Variants in RPL24 observed in about 807,000 individuals in gnomAD.
RPL24 encodes the protein large ribosomal subunit protein eL24.
RPL24 carries 7 observed loss-of-function variants against 26.4 expected under a neutral mutation model. That is an observed-to-expected ratio of 0.27 (90% CI 0.15 to 0.50). RPL24 has a LOEUF of 0.50. Among genes scored for constraint, RPL24 ranks in the 20% least tolerant of loss-of-function variants. The pLI, the probability that RPL24 is intolerant of heterozygous loss-of-function variation, is 0.98. For synonymous variants in RPL24, 67 were observed against 65.2 expected, an observed-to-expected ratio of 1.03 and a Z score of -0.13; for missense variants, 109 against 194.9, an observed-to-expected ratio of 0.56 and a Z score of 2.62.
intron 5 of RPL24, chr3:101,681,485 C>T (rs2108336883): frequency 4.8e-6 from 2 of 418,748 alleles, no homozygotes; most frequent in South Asian, 3.1e-5. Flanking sequence ...AACAGAAACT[C>T]ACAGAAAAGA....
intron 5 of RPL24, 127 bp from the exon 6 acceptor site, chr3:101,681,342 CA>C: frequency 1.5e-6 from 1 of 678,052 alleles, no homozygotes; most frequent in South Asian, 1.7e-5. Flanking sequence ...TTCCTAATGC[CA>C]ATCTTTTAAT....
intron 3 of RPL24, among the ~76,000 whole-genome samples, chr3:101,684,267 G>A (rs1264940709): frequency 6.6e-6 from 1 of 151,806 alleles, no homozygotes; most frequent in Non-Finnish European, 1.5e-5. Context: ...CTGGGTTCAA[G>A]CTATTCTCCT....
intron 5 of RPL24, chr3:101,682,034 T>A (rs1937269622): frequency 5.5e-6 from 1 of 180,500 alleles, no homozygotes; most frequent in African/African-American, 2.4e-5. Context: ...TGTGAAACTT[T>A]CATTTATCAC....
At chr3:101,685,036 C>A (rs1004547346) in intron 3 of RPL24, among the ~76,000 whole-genome samples, 2 of 151,926 alleles carry the variant, frequency 1.3e-5, no homozygotes, top group Non-Finnish European at 2.9e-5. Flanking sequence ...TAGGGTATAA[C>A]TTAGAAGTGG....
At chr3:101,682,216 A>G (rs184967646) in intron 5 of RPL24, 2 of 519,740 alleles carry the variant, frequency 3.8e-6, no homozygotes, top group South Asian at 4.5e-5. Context: ...CAAACAAAAA[A>G]TCAGCCGGGC....
At position 101,684,776 on chromosome 3, in the gene RPL24, C is replaced by CAAAAAAAAAAAA. The variant is rs57278210; in HGVS notation, c.192+1030_192+1041dup. Among the ~76,000 whole-genome samples, 123 of 53,206 alleles carry CAAAAAAAAAAAA rather than the reference C, an allele frequency of 2.3e-3. 13 individuals are homozygous for CAAAAAAAAAAAA. The highest frequency in any genetic ancestry group is 3.6e-3 in the East Asian group (5 of 1,404). 34.9% of individuals were successfully genotyped at this position (53,206 alleles called of 152,430 possible). ...CTGAGCAACAGAGGACCTGTCTCCC[C>CAAAAAAAAAAAA]AAAAAAAAAAAAAAAAAAAAAAAAA... On this transcript the variant is annotated intron_variant, in intron 3 of 5. Transcript: ENST00000394077.
intron 5 of RPL24, 83 bp from the exon 6 acceptor site, chr3:101,681,298 T>A: frequency 1.1e-6 from 1 of 921,426 alleles, no homozygotes; most frequent in Non-Finnish European, 1.8e-6. Flanking sequence ...ATTGTTTATG[T>A]AGCTTAGATC....
chr3:101,684,776 C>CCAAAAAA (rs1205904118), intron 3 of RPL24, among the ~76,000 whole-genome samples: 1 of 53,212 alleles, frequency 1.9e-5, no homozygotes, highest in Non-Finnish European at 3.2e-5. Flanking sequence ...CCTGTCTCCC[C>CCAAAAAA]AAAAAAAAAA....
intron 3 of RPL24, among the ~76,000 whole-genome samples, chr3:101,683,716 T>TC (rs1937292437): frequency 1.3e-5 from 2 of 151,226 alleles, no homozygotes; most frequent in South Asian, 2.1e-4. Context: ...TCTTTTTTTT[T>TC]TTTTTTTTTA....
At chr3:101,686,022 TCTGGCTTATCATTTTACA>T (rs1937336997) in intron 2 of RPL24, 94 bp from the exon 3 acceptor site, 2 of 808,128 alleles carry the variant, frequency 2.5e-6, no homozygotes, top group African/African-American at 3.4e-5. Context: ...ATATGCTAGT[TCTGGCTTATCATTTTACA>T]AAACTGAGGC....
chr3:101,684,003 T>TCC (rs1937297764), intron 3 of RPL24, among the ~76,000 whole-genome samples: 1 of 151,964 alleles, frequency 6.6e-6, no homozygotes, highest in South Asian at 2.1e-4. Context: ...TGAGCCACCA[T>TCC]CCCCAGCCTG....
At chr3:101,685,971 A>C (rs374006417) in intron 2 of RPL24, 43 bp from the exon 3 acceptor site, 176 of 1,231,560 alleles carry the variant, frequency 1.4e-4, no homozygotes, top group Non-Finnish European at 2.0e-4. Context: ...AACTATACAA[A>C]GTACAAGAGG....
chr3:101,686,710 AAAAG>A lies in RPL24; in HGVS notation c.-38_-35del, dbSNP rs761172740. 7.4e-6 allele frequency: 12 copies of A among 1,613,950 alleles called. No individual in the cohort carries two copies. The highest frequency in any genetic ancestry group is 3.3e-5 in the Admixed American group (2 of 60,012). On this transcript the variant is annotated 5_prime_UTR_variant, in exon 1 of 6. Transcript: ENST00000394077. Reference sequence around the variant, plus strand: ...CTCCACGGAAAGACAAAAGATGGCGAAAAGAAAGAGAGAATCATGGGAAGAGACC... The same window carrying A: ...CTCCACGGAAAGACAAAAGATGGCGAAAAGAGAGAATCATGGGAAGAGACC...
chr3:101,682,524 A>C, intron 4 of RPL24, 32 bp from the exon 5 acceptor site: 2 of 1,556,418 alleles, frequency 1.3e-6, no homozygotes, highest in Non-Finnish European at 1.8e-6. Flanking sequence ...AGGCAAAAGC[A>C]CTTTACTCCT....
chr3:101,684,058 T>G (rs1361705266), intron 3 of RPL24, among the ~76,000 whole-genome samples: 3 of 152,144 alleles, frequency 2.0e-5, no homozygotes, highest in Non-Finnish European at 4.4e-5. Context: ...ACTACTATGT[T>G]GCCAGGTTGG....
intron 3 of RPL24, among the ~76,000 whole-genome samples, chr3:101,685,472 G>A (rs1937325341): frequency 6.6e-6 from 1 of 152,086 alleles, no homozygotes; most frequent in South Asian, 2.1e-4. Context: ...ACTGGTTCAT[G>A]GTCCACTGGC....
intron 5 of RPL24, 63 bp downstream of exon 5, chr3:101,682,366 G>A (rs368432970): frequency 8.9e-5 from 117 of 1,320,178 alleles, no homozygotes; most frequent in Non-Finnish European, 1.1e-4. Context: ...GCAAGACTCC[G>A]TCTCAAAAAA....
chr3:101,682,739 G>A (rs374368648), intron 4 of RPL24, 32 bp downstream of exon 4: 1 of 1,605,474 alleles, frequency 6.2e-7, no homozygotes, highest in Non-Finnish European at 8.5e-7. Context: ...CATCCGAATA[G>A]GTAAAATGCT....
intron 5 of RPL24, chr3:101,681,757 C>G (rs577824667): frequency 1.2e-3 from 184 of 154,974 alleles, no homozygotes; most frequent in Non-Finnish European, 2.1e-3. Flanking sequence ...AGGAGGATCA[C>G]TTGAGCCCAG....
Sources: gnomAD v4.1 joint callset for allele counts (sites outside exome capture counted in the v4.1 genomes callset) on GRCh38, gnomAD v4.1.1 for gene constraint, MANE v1.5 for transcripts, NCBI Gene and HGNC (gene_info 2026-07-23, HGNC 2026-07-21) for gene names.